DRD3: variants seen among roughly 807,000 people sequenced by gnomAD.
The protein encoded by DRD3 is dopamine receptor D3.
DRD3 carries 19 observed loss-of-function variants against 36.3 expected under a neutral mutation model. The ratio of observed to expected loss-of-function variants is 0.52; its 90% CI spans 0.36 to 0.77. DRD3 has a LOEUF of 0.77. DRD3 is among the 30% of genes least tolerant of loss of function. The probability of loss-of-function intolerance (pLI) is 0.00; values close to 1 mark genes in which losing one functional copy is unlikely to be tolerated. For synonymous variants in DRD3, 195 were observed against 203.7 expected (o/e 0.96, Z 0.36); for missense variants, 465 against 505.3 (o/e 0.92, Z 0.77).
At chr3:114,179,380 G>A (rs1294379524), upstream of DRD3, among the ~76,000 whole-genome samples, 1 of 152,126 alleles carries the variant, frequency 6.6e-6, no homozygotes, top group Non-Finnish European at 1.5e-5. Context: ...ACTGAGGCAT[G>A]GCGTATAACT....
chr3:114,134,128 G>A (rs751232529), intron 5 of DRD3, among the ~76,000 whole-genome samples: 1 of 152,198 alleles, frequency 6.6e-6, no homozygotes, highest in Admixed American at 6.5e-5. Context: ...TTCAGTGTCA[G>A]CAACAAAAAC....
chr3:114,195,348 G>C (rs1284895753), intron 1 of DRD3, among the ~76,000 whole-genome samples: 3 of 152,156 alleles, frequency 2.0e-5, no homozygotes, highest in Non-Finnish European at 2.9e-5. Context: ...GTCTAGGTAA[G>C]GGATGTCTGG....
chr3:114,198,163 G>A (rs1023845144), intron 1 of DRD3, among the ~76,000 whole-genome samples: 6 of 151,652 alleles, frequency 4.0e-5, no homozygotes, highest in Non-Finnish European at 7.4e-5. Context: ...TTTGTCAGAT[G>A]TATCTTTAAG....
At chr3:114,169,991 C>T (rs1273090681) in intron 2 of DRD3, among the ~76,000 whole-genome samples, 1 of 152,166 alleles carries the variant, frequency 6.6e-6, no homozygotes, top group African/African-American at 2.4e-5. Flanking sequence ...TTTCTTCCTG[C>T]CATTCATCCT....
Position 114,178,862 on chromosome 3 carries a change from C to T in DRD3, c.-241G>A, listed in dbSNP as rs532308344. 2 of 152,204 alleles carry T rather than the reference C, an allele frequency of 1.3e-5. No individual in the cohort carries two copies. The highest frequency in any genetic ancestry group is 4.8e-5 in the African/African-American group (2 of 41,510). The allele number at this position is 152,204 out of a possible 1,614,324, so 9.4% of individuals were successfully genotyped here. On this transcript the variant is annotated 5_prime_UTR_variant, in exon 1 of 7. Transcript: ENST00000383673. ...CTGCTTTTCCAGCTTCCCTATTAGA[C>T]CTTAGTGCATGTTTCATAGCTGCTT...
At chr3:114,169,736 C>G (rs16822414) in intron 2 of DRD3, among the ~76,000 whole-genome samples, 8,654 of 152,104 alleles carry the variant, frequency 0.057, 844 homozygotes, top group African/African-American at 0.2. Context: ...AATAGGAGCA[C>G]CAGTATATCA....
At chr3:114,180,045 T>C (rs1310594333), upstream of DRD3, among the ~76,000 whole-genome samples, 1 of 152,124 alleles carries the variant, frequency 6.6e-6, no homozygotes, top group Non-Finnish European at 1.5e-5. Context: ...AGCTAACAAG[T>C]GGCTGACCCA....
At chr3:114,163,276 T>G (rs937785839) in intron 2 of DRD3, among the ~76,000 whole-genome samples, 18 of 151,858 alleles carry the variant, frequency 1.2e-4, no homozygotes, top group African/African-American at 4.1e-4. Context: ...TGAATTTTTT[T>G]TTTTCTATTG....
rs78150021 is a variant in DRD3 at position 114,193,542 on chromosome 3, A to G, written c.-156+5731T>C. 6.5e-3 allele frequency among the ~76,000 whole-genome samples: 988 copies of G among 152,254 alleles called. 4 individuals are homozygous for G. The highest frequency in any genetic ancestry group is 0.011 in the Non-Finnish European group (724 of 68,014). On this transcript the variant is annotated intron_variant, in intron 1 of 7. Transcript: ENST00000460779. The stretch of plus-strand genomic sequence containing the variant: ...CAGTTCCTGAGTCAACTGGGGCTAT[A>G]CTGGACTTCTATTTCACCTACTATG...
Position 114,139,684 on chromosome 3 carries a change from A to T in DRD3, c.539T>A (p.Val180Asp). 1 of 1,614,096 alleles carries T rather than the reference A, an allele frequency of 6.2e-7. No homozygotes were observed. Among genetic ancestry groups the T allele is most frequent in the African/African-American group, 1.3e-5 (1 of 75,064 alleles). The stretch of plus-strand genomic sequence containing the variant: ...AAAATCAGGGTTGGAGATGGAGCAG[A>T]CAGTGGGGTCCCCTGTGGATGAGAA... ...FGFNTTGDPT[V>D]CSISNPDFVI... is the part of the protein sequence containing the mutation. Residue 180 changes from valine to aspartate, a missense_variant, in exon 5 of 7, where the codon GTC becomes GAC. Physicochemically the swap from Val to Asp is radical, Grantham distance 152. Coordinates refer to ENST00000383673, the MANE Select transcript of DRD3 (RefSeq NM_000796.6).
intron 4 of DRD3, among the ~76,000 whole-genome samples, chr3:114,142,739 TGAAA>T (rs34087733): frequency 0.36 from 54,404 of 151,720 alleles, 10,314 homozygotes; most frequent in Middle Eastern, 0.46. Context: ...TTAAAAATAT[TGAAA>T]GAGAGAGTTG....
In DRD3 at chr3:114,131,414, A is replaced by T; in HGVS notation, c.724-14T>A. 1 of 1,604,036 alleles carries T rather than the reference A, an allele frequency of 6.2e-7. No individual in the cohort carries two copies. On this transcript the variant is annotated splice_polypyrimidine_tract_variant and intron_variant, in intron 5 of 6. Transcript: ENST00000383673. ...AGGAGAGAGGGTCTGCAGGTGTGAC[A>T]AGAGGGAATCTTGACATTTCTGGGG...
intron 3 of DRD3, 35 bp from the exon 4 acceptor site, chr3:114,147,592 G>A: frequency 1.9e-6 from 3 of 1,593,082 alleles, no homozygotes; most frequent in Non-Finnish European, 2.6e-6. Context: ...TAGGCATGGT[G>A]AGATGGAATG....
chr3:114,175,261 A>G (rs1325989525), intron 1 of DRD3, among the ~76,000 whole-genome samples: 3 of 152,188 alleles, frequency 2.0e-5, no homozygotes, highest in African/African-American at 4.8e-5. Flanking sequence ...CACTAGAAAT[A>G]TAGTTGCTTT....
intron 6 of DRD3, 123 bp from the exon 7 acceptor site, chr3:114,129,035 A>G: frequency 9.2e-7 from 1 of 1,091,272 alleles, no homozygotes; most frequent in Non-Finnish European, 1.3e-6. Context: ...TTGCATACCC[A>G]CTTACTTTTT....
chr3:114,156,845 TTTTC>T (rs2077683424), intron 3 of DRD3, among the ~76,000 whole-genome samples: 1 of 104,026 alleles, frequency 9.6e-6, no homozygotes, highest in South Asian at 3.5e-4. Context: ...CCTTTCTTTC[TTTTC>T]TTTCTTTCTT....
chr3:114,134,245 C>G (rs1021799986), intron 5 of DRD3, among the ~76,000 whole-genome samples: 1 of 151,992 alleles, frequency 6.6e-6, no homozygotes, highest in African/African-American at 2.4e-5. Flanking sequence ...GTCTTCAAGA[C>G]TATTTAGTGT....
chr3:114,148,598 A>G (rs2077589639), intron 3 of DRD3, among the ~76,000 whole-genome samples: 1 of 151,654 alleles, frequency 6.6e-6, no homozygotes. Flanking sequence ...GATCTCCCCA[A>G]CTCCCCAAAC....
At chr3:114,193,435 A>G (rs57504078) in intron 1 of DRD3, among the ~76,000 whole-genome samples, 21,552 of 152,194 alleles carry the variant, frequency 0.14, 1,788 homozygotes, top group Admixed American at 0.23. Flanking sequence ...ATGCTTATCC[A>G]TGGGGTCAGA....
Sources: allele counts gnomAD v4.1 joint callset (sites outside exome capture counted in the v4.1 genomes callset), GRCh38; gene constraint gnomAD v4.1.1; transcripts MANE v1.5; gene names NCBI Gene and HGNC (gene_info 2026-07-23, HGNC 2026-07-21).